The following NOTCH3 variants were observed in gnomAD, a reference collection of about 807,000 sequenced individuals.
NOTCH3 encodes neurogenic locus notch homolog protein 3.
A neutral mutation model predicts 213.3 loss-of-function variants in NOTCH3; 86 were observed. That is an observed-to-expected ratio of 0.40 (90% confidence interval 0.34 to 0.48). NOTCH3 has a LOEUF of 0.48. Among genes scored for constraint, NOTCH3 ranks in the 20% least tolerant of loss-of-function variants. The pLI is 0.57. For synonymous variants in NOTCH3, 1,354 were observed against 1,355.9 expected, an observed-to-expected ratio of 1.00 and a Z score of 0.03; for missense variants, 2,783 against 3,272.6, an observed-to-expected ratio of 0.85 and a Z score of 3.65.
chr19:15,199,590 T>G (rs2046995106), intron 1 of NOTCH3, among the ~76,000 whole-genome samples: 1 of 152,178 alleles, frequency 6.6e-6, no homozygotes, highest in South Asian at 2.1e-4. Flanking sequence ...CAGCTGGGTG[T>G]GTCTTTCCTG....
rs2145421514 is a variant in NOTCH3 at position 15,180,700 on chromosome 19, C to T, written c.3123G>A (p.Arg1041=). The T allele has an allele frequency of 6.4e-7, 1 of 1,559,800 alleles. No homozygotes were observed. Among genetic ancestry groups the T allele is most frequent in the Non-Finnish European group, 8.7e-7 (1 of 1,153,274 alleles). ...RLCDIRSLPC[R]EAAAQIGVRL... ...ACTCACCGATCTGGGCTGCGGCCTC[C>T]CTGCAGGGCAAGCTTCGGATGTCAC... Residue 1041 remains arginine (R), a synonymous_variant, in exon 19 of 33, where the codon AGG becomes AGA. Transcript: ENST00000263388.
rs762930616 is a variant in NOTCH3 at position 15,189,184 on chromosome 19, G to A, written c.1193-10C>T. The A allele has an allele frequency of 1.2e-6, 2 of 1,613,324 alleles. No individual in the cohort carries two copies. Among genetic ancestry groups the A allele is most frequent in the East Asian group, 4.5e-5 (2 of 44,872 alleles). On this transcript the variant is annotated splice_polypyrimidine_tract_variant and intron_variant, in intron 7 of 32. Coordinates refer to ENST00000263388, the MANE Select transcript of NOTCH3 (RefSeq NM_000435.3). ...TCGCAGGGGTTGGCGCCTGCCGGAT[G>A]GAGTGCGATCGGTGTGGGCGTGGCT...
chr19:15,196,449 T>A (rs893696021), intron 2 of NOTCH3, among the ~76,000 whole-genome samples: 8 of 151,872 alleles, frequency 5.3e-5, no homozygotes, highest in Non-Finnish European at 1.2e-4. Context: ...AAAATAAATG[T>A]AGGTGTAACT....
chr19:15,189,166 G>C lies in NOTCH3; in HGVS notation c.1201C>G (p.Pro401Ala). The C allele has an allele frequency of 6.2e-7, 1 of 1,613,366 alleles. No homozygotes were observed. Among genetic ancestry groups the C allele is most frequent in the Non-Finnish European group, 8.5e-7 (1 of 1,180,034 alleles). ...DVDECSIGAN[P>A]CEHLGRCVNT... ...ACGCACCTGCCCAAGTGCTCGCAGG[G>C]GTTGGCGCCTGCCGGATGGAGTGCG... Residue 401 changes from proline (P) to alanine (A), a missense_variant, in exon 8 of 33, where the codon CCC (proline) becomes GCC (alanine). By Grantham distance (27) the Pro-to-Ala change is conservative. This residue lies in a region of NOTCH3 where 708 missense variants were observed against 906.6 expected (regional missense o/e 0.78). Coordinates refer to ENST00000263388, the MANE Select transcript of NOTCH3 (RefSeq NM_000435.3).
chr19:15,182,905 G>T (rs1412206808), intron 16 of NOTCH3, among the ~76,000 whole-genome samples: 1 of 152,060 alleles, frequency 6.6e-6, no homozygotes, highest in Non-Finnish European at 1.5e-5. Context: ...GCCTCCCAAA[G>T]TGCTGGGATT....
In NOTCH3 at chr19:15,161,434, CT is replaced by C. The variant is rs1568345571; in HGVS notation, c.6193del (p.Arg2065GlyfsTer20). 1 of 1,542,910 alleles carries C rather than the reference CT, an allele frequency of 6.5e-7. No homozygotes were observed. Among genetic ancestry groups the C allele is most frequent in the East Asian group, 2.4e-5 (1 of 41,214 alleles). ...CCCCAGCCCCGCCTTCCCGGGGGGC[CT>C]CCTGCTCTTCTTGGACCCCGACTGT... ...AAQSGSKKSR[R>X]PPGKAGLGPQ... is the part of the protein sequence containing the mutation. On this transcript the variant is annotated frameshift_variant, in exon 33 of 33. Coordinates refer to ENST00000263388, the MANE Select transcript of NOTCH3 (RefSeq NM_000435.3). LOFTEE classifies it low-confidence loss of function (END_TRUNC).
intron 25 of NOTCH3, among the ~76,000 whole-genome samples, chr19:15,171,826 C>A (rs1410257320): frequency 1.3e-5 from 2 of 152,132 alleles, no homozygotes; most frequent in East Asian, 3.9e-4. Context: ...CGCGCTGCCA[C>A]GCCCAGGTAA....
intron 12 of NOTCH3, among the ~76,000 whole-genome samples, chr19:15,186,475 G>A (rs1301188866): frequency 6.6e-6 from 1 of 150,872 alleles, no homozygotes; most frequent in Non-Finnish European, 1.5e-5. Context: ...CACAATCTTG[G>A]CTCACTGCCG....
In NOTCH3 at chr19:15,184,953, G is replaced by A; in HGVS notation, c.2363C>T (p.Ser788Phe). 1 of 1,549,294 alleles carries A rather than the reference G, an allele frequency of 6.5e-7. No homozygotes were observed. The highest frequency in any genetic ancestry group is 8.7e-7 in the Non-Finnish European group (1 of 1,145,914). The change falls in exon 15 of 33, where the codon TCT becomes TTT. Residue 788 changes from serine to phenylalanine, a missense_variant. Transcript: ENST00000263388. ...NPCEHGGRCE[S>F]APGQLPVCSC... is the part of the protein sequence containing the mutation. Reference sequence around the variant, plus strand: ...GCAGACAGGCAGCTGGCCAGGGGCAGACTCGCAGCGGCCCCCATGCTCACA... The same window carrying A: ...GCAGACAGGCAGCTGGCCAGGGGCAAACTCGCAGCGGCCCCCATGCTCACA...
At chr19:15,194,691 C>T (rs957100199) in intron 2 of NOTCH3, among the ~76,000 whole-genome samples, 1 of 152,090 alleles carries the variant, frequency 6.6e-6, no homozygotes, top group African/African-American at 2.4e-5. Context: ...CGCGGTGGCT[C>T]ACGCCTGTAA....
rs2046622110 is a variant in NOTCH3, at chr19:15,159,470, C to T, written c.*1192G>A. ...GGCTCAGCTTAAGTCAGGTGACAACCACTAATCCAATCGGTAGTCATCTGC... is the reference window on the plus strand; with the variant it reads ...GGCTCAGCTTAAGTCAGGTGACAACTACTAATCCAATCGGTAGTCATCTGC... On this transcript the variant is annotated 3_prime_UTR_variant, in exon 33 of 33. Coordinates refer to ENST00000263388, the MANE Select transcript of NOTCH3 (RefSeq NM_000435.3). The T allele has an allele frequency of 5.3e-6, 1 of 190,096 alleles. No homozygotes were observed. The highest frequency in any genetic ancestry group is 2.3e-5 in the African/African-American group (1 of 42,904). 11.8% of individuals were successfully genotyped at this position (190,096 alleles called of 1,614,324 possible). A position where few individuals can be genotyped will look rare whatever the true frequency, so the allele number is the denominator to read the frequency against.
intron 1 of NOTCH3, among the ~76,000 whole-genome samples, chr19:15,200,416 A>T (rs1364268766): frequency 6.6e-6 from 1 of 151,494 alleles, no homozygotes; most frequent in African/African-American, 2.4e-5. Context: ...CCCGGCCTAG[A>T]AGTACCTGGG....
In NOTCH3 at chr19:15,191,413, C is replaced by T. The variant is rs770917127; in HGVS notation, c.1036+11G>A. ...CATCCATGGCTCCCTGCAGAGAAAA[C>T]GGCCACTCACCAGTCTTGCCCATGG... On this transcript the variant is annotated intron_variant, in intron 6 of 32. Transcript: ENST00000263388. The T allele has an allele frequency of 4.4e-6, 7 of 1,608,640 alleles. No individual in the cohort carries two copies. The highest frequency in any genetic ancestry group is 2.2e-5 in the East Asian group (1 of 44,862).
At position 15,185,338 on chromosome 19, in the gene NOTCH3, C is replaced by T. The variant is rs749295960; in HGVS notation, c.2215G>A (p.Glu739Lys). The change falls in exon 14 of 33, where the codon GAG becomes AAG. Residue 739 changes from glutamate to lysine, a missense_variant. This residue lies in a region of NOTCH3 where 861 missense variants were observed against 909.1 expected (regional missense o/e 0.95). Coordinates refer to ENST00000263388, the MANE Select transcript of NOTCH3 (RefSeq NM_000435.3). The surrounding 1 kb of genome is among the most constrained non-coding windows in gnomAD (Gnocchi z 4.2). ...CSQSLARDACESQPCRAGGTC... is the reference protein window; with the variant it reads ...CSQSLARDACKSQPCRAGGTC... ...CCACCGGCCCTGCACGGCTGGGACT[C>T]ACAGGCGTCTCGGGCCAGGCTCTGG... The T allele has an allele frequency of 1.1e-5, 18 of 1,612,742 alleles. No homozygotes were observed. In the East Asian group the frequency reaches 4.0e-4, roughly 36 times the overall value.
At position 15,185,884 on chromosome 19, in the gene NOTCH3, G is replaced by T. The variant is rs2046877736; in HGVS notation, c.1952-205C>A. ...ATCATTCTGGTCCCCAAACTTCCATGAAGTCCCTTTCTTTTTCTTTTCTTC... is the reference window on the plus strand; with the variant it reads ...ATCATTCTGGTCCCCAAACTTCCATTAAGTCCCTTTCTTTTTCTTTTCTTC... On this transcript the variant is annotated intron_variant, in intron 12 of 32. Coordinates refer to ENST00000263388, the MANE Select transcript of NOTCH3 (RefSeq NM_000435.3). This position sits in a 1 kb window ranked among gnomAD's most constrained non-coding sequence, Gnocchi z 4.2. 6.6e-6 allele frequency among the ~76,000 whole-genome samples: 1 copy of T among 152,056 alleles called. No homozygotes were observed. Among genetic ancestry groups the T allele is most frequent in the African/African-American group, 2.4e-5 (1 of 41,410 alleles).
At chr19:15,192,659 A>G (rs1291277528) in intron 2 of NOTCH3, 140 bp from the exon 3 acceptor site, 5 of 1,269,324 alleles carry the variant, frequency 3.9e-6, no homozygotes, top group African/African-American at 1.5e-5. Context: ...TCACGCCTGT[A>G]ATCCCAGAAC....
chr19:15,185,579 C>A lies in NOTCH3; in HGVS notation c.2052G>T (p.Pro684=), dbSNP rs141399324. The A allele has an allele frequency of 2.5e-6, 4 of 1,613,474 alleles. No homozygotes were observed. Among genetic ancestry groups the A allele is most frequent in the African/African-American group, 1.3e-5 (1 of 74,890 alleles). The change falls in exon 13 of 33, where the codon CCG becomes CCT. Residue 684 remains proline, a synonymous_variant. Transcript: ENST00000263388. The surrounding 1 kb of genome is among the most constrained non-coding windows in gnomAD (Gnocchi z 4.2). ...GGCAGAGTGGGGGCAAGGAGCCAGG[C>A]GGGCAGAGGCAGCGGAAGCCATTTT... ...DGENGFRCLC[P]PGSLPPLCLP...
intron 1 of NOTCH3, among the ~76,000 whole-genome samples, chr19:15,200,278 G>A (rs991237051): frequency 4.0e-5 from 6 of 151,584 alleles, no homozygotes; most frequent in Middle Eastern, 3.4e-3. Context: ...GTCTTGCTGC[G>A]CGCCGGCCTG....
chr19:15,181,796 A>ACC lies in NOTCH3; in HGVS notation c.2571_2572insGG (p.Cys858GlyfsTer3). 1 of 1,556,380 alleles carries ACC rather than the reference A, an allele frequency of 6.4e-7. No individual in the cohort carries two copies. Among genetic ancestry groups the ACC allele is most frequent in the Non-Finnish European group, 8.7e-7 (1 of 1,149,982 alleles). ...TCTTGGCACGAGCCACCGTTCAGGC[A>ACC]TGGGTCTGCGGACAGGAGGAAGGCG... On this transcript the variant is annotated frameshift_variant, in exon 17 of 33. Transcript: ENST00000263388. LOFTEE classifies it high-confidence loss of function.
Sources: allele counts gnomAD v4.1 joint callset (sites outside exome capture counted in the v4.1 genomes callset), GRCh38; gene constraint gnomAD v4.1.1; regional missense constraint gnomAD v4.1.1; non-coding constraint Gnocchi (gnomAD v3.1); transcripts MANE v1.5; gene names NCBI Gene and HGNC (gene_info 2026-07-23, HGNC 2026-07-21).